Variants in ZBBX observed in about 807,000 individuals in gnomAD.
The protein encoded by ZBBX is zinc finger B-box domain-containing protein 1.
ZBBX carries 101 observed loss-of-function variants against 108.5 expected under a neutral mutation model. That is an observed-to-expected ratio of 0.93 (90% CI 0.79 to 1.10). The LOEUF (loss-of-function observed/expected upper bound fraction) is 1.10. Among genes scored for constraint, ZBBX ranks in the 50% least tolerant of loss-of-function variants. The pLI, the probability that ZBBX is intolerant of heterozygous loss-of-function variation, is 0.00. For missense variants in ZBBX, 1,009 were observed against 941.4 expected, an observed-to-expected ratio of 1.07 and a Z score of -0.94; for synonymous variants, 356 against 323.4, an observed-to-expected ratio of 1.10 and a Z score of -1.08.
At chr3:167,242,941 C>A (rs1414220350) in intron 20 of ZBBX, among the ~76,000 whole-genome samples, 1 of 152,000 alleles carries the variant, frequency 6.6e-6, no homozygotes, top group Non-Finnish European at 1.5e-5. Context: ...TCAAATGACC[C>A]CCTTTAAAGC....
chr3:167,340,272 T>G (rs1353719451), intron 9 of ZBBX, among the ~76,000 whole-genome samples: 1 of 152,180 alleles, frequency 6.6e-6, no homozygotes, highest in Non-Finnish European at 1.5e-5. Flanking sequence ...ATTATTCATA[T>G]TATCATAGAC....
chr3:167,274,592 C>G (rs1367001127), intron 20 of ZBBX, among the ~76,000 whole-genome samples: 1 of 152,198 alleles, frequency 6.6e-6, no homozygotes, highest in Non-Finnish European at 1.5e-5. Flanking sequence ...TGTTCTCCAA[C>G]TTAACTTTCT....
At chr3:167,229,945 T>C in the ZBBX span, among the ~76,000 whole-genome samples, 2 of 151,872 alleles carry the variant, frequency 1.3e-5, no homozygotes, top group African/African-American at 4.8e-5. Context: ...GTTTATATCT[T>C]TTCTACAAAT....
At chr3:167,323,248 G>C (rs1001440582) in intron 11 of ZBBX, among the ~76,000 whole-genome samples, 4 of 145,178 alleles carry the variant, frequency 2.8e-5, no homozygotes, top group African/African-American at 1.0e-4. Flanking sequence ...AGGGGGGGGG[G>C]GGAAAGAACT....
intron 12 of ZBBX, among the ~76,000 whole-genome samples, chr3:167,320,717 A>G (rs1435454956): frequency 6.6e-6 from 1 of 152,050 alleles, no homozygotes; most frequent in East Asian, 1.9e-4. Context: ...CTGTAATAAG[A>G]TATATTGACA....
At chr3:167,279,163 T>C (rs1165978888) in intron 20 of ZBBX, among the ~76,000 whole-genome samples, 1 of 152,028 alleles carries the variant, frequency 6.6e-6, no homozygotes, top group Non-Finnish European at 1.5e-5. Context: ...GGGCAAAAAC[T>C]GGAAGCATTC....
chr3:167,237,350 T>C (rs1204620333), downstream of ZBBX, among the ~76,000 whole-genome samples: 2 of 151,940 alleles, frequency 1.3e-5, no homozygotes, highest in East Asian at 3.9e-4. Context: ...GAATTTCATA[T>C]GACTATTACA....
At chr3:167,307,597 TACTGGTACAAAAACAG>T (rs1733872765) in intron 16 of ZBBX, among the ~76,000 whole-genome samples, 1 of 152,172 alleles carries the variant, frequency 6.6e-6, no homozygotes. Flanking sequence ...AATAGCATGG[TACTGGTACAAAAACAG>T]ACACATAGAC....
At chr3:167,287,639 A>C (rs1729934570) in intron 19 of ZBBX, among the ~76,000 whole-genome samples, 1 of 152,146 alleles carries the variant, frequency 6.6e-6, no homozygotes, top group Non-Finnish European at 1.5e-5. Flanking sequence ...ATGGATTTGT[A>C]GATTTGTCTT....
At chr3:167,329,927 C>A (rs1433191790) in intron 10 of ZBBX, among the ~76,000 whole-genome samples, 1 of 152,184 alleles carries the variant, frequency 6.6e-6, no homozygotes, top group East Asian at 1.9e-4. Flanking sequence ...CATTTGCCCA[C>A]ATTGATCAAC....
upstream of ZBBX, among the ~76,000 whole-genome samples, chr3:167,383,150 A>G (rs566870472): frequency 1.6e-4 from 25 of 152,248 alleles, no homozygotes; most frequent in South Asian, 4.1e-3. Flanking sequence ...GACAAATATC[A>G]TATCTGCAGC....
At chr3:167,180,416 T>C in the ZBBX span, among the ~76,000 whole-genome samples, 1 of 152,328 alleles carries the variant, frequency 6.6e-6, no homozygotes, top group South Asian at 2.1e-4. Context: ...TGTGGCACCA[T>C]TGTAGTGTCA....
the ZBBX span, among the ~76,000 whole-genome samples, chr3:167,183,063 TG>T: frequency 6.6e-6 from 1 of 152,156 alleles, no homozygotes; most frequent in Non-Finnish European, 1.5e-5. Context: ...AAGAAAGATC[TG>T]GAGGGTTAGC....
At chr3:167,248,707 T>C (rs560898012) in intron 20 of ZBBX, 3 of 455,474 alleles carry the variant, frequency 6.6e-6, no homozygotes, top group African/African-American at 2.0e-5. Flanking sequence ...ATAATGTAAA[T>C]GGGCAGAACC....
intron 1 of ZBBX, among the ~76,000 whole-genome samples, chr3:167,404,797 T>C (rs1748532921): frequency 6.6e-6 from 1 of 152,170 alleles, no homozygotes; most frequent in Admixed American, 6.5e-5. Flanking sequence ...TTTTCCCCTC[T>C]GGTGGCATTG....
At chr3:167,326,897 A>G (rs1737487311) in intron 11 of ZBBX, among the ~76,000 whole-genome samples, 1 of 152,058 alleles carries the variant, frequency 6.6e-6, no homozygotes, top group African/African-American at 2.4e-5. Context: ...GAGTTTCTCC[A>G]ATGGAAAAAA....
chr3:167,388,064 T>C (rs975424778), intron 1 of ZBBX, among the ~76,000 whole-genome samples: 1 of 151,990 alleles, frequency 6.6e-6, no homozygotes, highest in Non-Finnish European at 1.5e-5. Context: ...CCGGTTTTAG[T>C]TTATTTCATC....
At chr3:167,253,415 A>G (rs146944841) in intron 20 of ZBBX, among the ~76,000 whole-genome samples, 2,124 of 152,310 alleles carry the variant, frequency 0.014, 27 homozygotes, top group South Asian at 0.026. Flanking sequence ...AAAAATCTTA[A>G]CAGAGACAAG....
chr3:167,210,087 C>A, the ZBBX span, among the ~76,000 whole-genome samples: 26 of 148,340 alleles, frequency 1.8e-4, no homozygotes, highest in Non-Finnish European at 3.2e-4. Flanking sequence ...GAGACTTGGT[C>A]TTAAAATAAA....
Sources: allele counts gnomAD v4.1 joint callset (sites outside exome capture counted in the v4.1 genomes callset), GRCh38; gene constraint gnomAD v4.1.1; transcripts MANE v1.5; gene names NCBI Gene and HGNC (gene_info 2026-07-23, HGNC 2026-07-21).